Variants in SND1 observed in about 807,000 individuals in gnomAD.
SND1 encodes the protein staphylococcal nuclease and tudor domain containing 1.
A neutral mutation model predicts 121.7 loss-of-function variants in SND1; 38 were observed. The observed-to-expected ratio is 0.31, with a 90% CI of 0.24 to 0.41. The LOEUF is 0.41. Among genes scored for constraint, SND1 ranks in the 10% least tolerant of loss-of-function variants. The probability of loss-of-function intolerance (pLI) is 1.00; values close to 1 mark genes in which losing one functional copy is unlikely to be tolerated. For synonymous variants in SND1, 401 were observed against 447.4 expected, an observed-to-expected ratio of 0.90 and a Z score of 1.31; for missense variants, 868 against 1,184.6, an observed-to-expected ratio of 0.73 and a Z score of 3.92.
chr7:128,044,808 T>A (rs142452693), intron 16 of SND1, among the ~76,000 whole-genome samples: 3 of 152,228 alleles, frequency 2.0e-5, no homozygotes, highest in Admixed American at 2.0e-4. Flanking sequence ...AGATAGTTCA[T>A]ATGGAGTAGA....
chr7:127,991,786 A>G (rs1802530126), intron 16 of SND1, among the ~76,000 whole-genome samples: 2 of 152,222 alleles, frequency 1.3e-5, no homozygotes, highest in South Asian at 4.1e-4. Flanking sequence ...AGGGTCCTAG[A>G]GGCTGTCTCT....
At chr7:128,086,647 G>C (rs560319998) in intron 20 of SND1, 3 of 470,722 alleles carry the variant, frequency 6.4e-6, no homozygotes, top group South Asian at 2.1e-5. Context: ...GGAGGAAATG[G>C]AAAAGCGATT....
intron 14 of SND1, among the ~76,000 whole-genome samples, chr7:127,911,117 T>G (rs1800443706): frequency 1.3e-5 from 2 of 152,204 alleles, no homozygotes; most frequent in Non-Finnish European, 2.9e-5. Context: ...GTAGCTCAAG[T>G]TGTCACTAAT....
Position 127,686,675 on chromosome 7 carries a change from G to A in SND1, c.141G>A (p.Arg47=), listed in dbSNP as rs758898097. ...GQPRGGPPPE[R]QINLSNIRAG... ...CTCGTGGTGGGCCTCCTCCTGAGCG[G>A]CAGATCAACCTCAGCAACATTCGTG... Residue 47 remains arginine, a synonymous_variant, in exon 2 of 24, where the codon CGG becomes CGA. Transcript: ENST00000354725. The A allele has an allele frequency of 4.3e-6, 7 of 1,614,022 alleles. No individual in the cohort carries two copies. The Admixed American group carries it at 1.2e-4, about 27-fold the overall frequency.
intron 12 of SND1, among the ~76,000 whole-genome samples, chr7:127,879,269 G>A (rs1799747632): frequency 6.6e-6 from 1 of 152,066 alleles, no homozygotes; most frequent in Non-Finnish European, 1.5e-5. Context: ...AAATGGTCAG[G>A]TTCCTGCTTG....
At chr7:127,895,556 G>C (rs1328687578) in intron 13 of SND1, among the ~76,000 whole-genome samples, 1 of 152,082 alleles carries the variant, frequency 6.6e-6, no homozygotes, top group East Asian at 1.9e-4. Context: ...ACTGGATTCA[G>C]CACGTGTCAT....
intron 14 of SND1, among the ~76,000 whole-genome samples, chr7:127,918,489 T>C (rs1800633509): frequency 6.6e-6 from 1 of 152,234 alleles, no homozygotes; most frequent in South Asian, 2.1e-4. Context: ...TTATCTGTAC[T>C]ACTAACTCTT....
chr7:128,000,368 C>CTTTT (rs34812649), intron 16 of SND1, among the ~76,000 whole-genome samples: 2 of 135,196 alleles, frequency 1.5e-5, no homozygotes, highest in African/African-American at 2.8e-5. Context: ...GCTTTTGCTT[C>CTTTT]TTTTTTTTTT....
chr7:127,922,192 T>TTGTTTTTTG (rs1800727475), intron 14 of SND1, among the ~76,000 whole-genome samples: 7 of 109,240 alleles, frequency 6.4e-5, no homozygotes, highest in African/African-American at 2.0e-4. Flanking sequence ...TTTTTTTTTT[T>TTGTTTTTTG]TTTTTTTTTT....
At chr7:127,975,653 C>T (rs1584708750) in intron 15 of SND1, among the ~76,000 whole-genome samples, 1 of 152,164 alleles carries the variant, frequency 6.6e-6, no homozygotes, top group Non-Finnish European at 1.5e-5. Flanking sequence ...CTACCAAAGT[C>T]GGCAGGATGG....
chr7:128,063,940 C>T (rs1793271749), intron 16 of SND1, among the ~76,000 whole-genome samples: 1 of 152,208 alleles, frequency 6.6e-6, no homozygotes, highest in African/African-American at 2.4e-5. Flanking sequence ...GCAGGAAGAG[C>T]CCAGCTCTGA....
At chr7:127,653,209 T>C (rs1795153530) in intron 1 of SND1, among the ~76,000 whole-genome samples, 1 of 152,238 alleles carries the variant, frequency 6.6e-6, no homozygotes, top group Non-Finnish European at 1.5e-5. Context: ...CCTCAACTTT[T>C]TGAAAATTCT....
intron 18 of SND1, among the ~76,000 whole-genome samples, chr7:128,083,983 G>A (rs983483746): frequency 1.3e-5 from 2 of 152,178 alleles, no homozygotes; most frequent in African/African-American, 4.8e-5. Flanking sequence ...GAGTGCTTAG[G>A]GAAAGACAAG....
At chr7:127,788,867 A>G (rs1584573443) in intron 10 of SND1, among the ~76,000 whole-genome samples, 1 of 152,264 alleles carries the variant, frequency 6.6e-6, no homozygotes, top group East Asian at 1.9e-4. Context: ...TCCATCCTTC[A>G]AGACTTAGCT....
intron 16 of SND1, among the ~76,000 whole-genome samples, chr7:128,049,094 C>T (rs1182515617): frequency 3.9e-5 from 6 of 152,166 alleles, no homozygotes; most frequent in Non-Finnish European, 1.5e-5. Context: ...TCAAGGTCTG[C>T]TCCTTTTGCA....
chr7:127,893,101 C>T (rs973791327), intron 13 of SND1, among the ~76,000 whole-genome samples: 4 of 152,044 alleles, frequency 2.6e-5, no homozygotes, highest in Admixed American at 6.6e-5. Flanking sequence ...GCGGTATTTC[C>T]AAGATAGTGA....
intron 1 of SND1, 95 bp from the exon 2 acceptor site, chr7:127,686,518 G>A: frequency 7.6e-7 from 1 of 1,322,998 alleles, no homozygotes; most frequent in Non-Finnish European, 1.0e-6. Flanking sequence ...AAGTGCAAAT[G>A]CTATTTGAAA....
At chr7:128,011,396 G>T (rs1262355332) in intron 16 of SND1, among the ~76,000 whole-genome samples, 1 of 152,204 alleles carries the variant, frequency 6.6e-6, no homozygotes, top group Non-Finnish European at 1.5e-5. Context: ...GAGTGCCCTT[G>T]TAGTATACAA....
intron 11 of SND1, among the ~76,000 whole-genome samples, chr7:127,836,170 C>T (rs1207777202): frequency 6.6e-6 from 1 of 152,122 alleles, no homozygotes; most frequent in Non-Finnish European, 1.5e-5. Context: ...CAGATAAAAG[C>T]GTCTGCCCAT....
Sources: gnomAD v4.1 joint callset for allele counts (sites outside exome capture counted in the v4.1 genomes callset) on GRCh38, gnomAD v4.1.1 for gene constraint, MANE v1.5 for transcripts, NCBI Gene and HGNC (gene_info 2026-07-23, HGNC 2026-07-21) for gene names.